The following PIGL variants were observed in gnomAD, a reference collection of about 807,000 sequenced individuals.
PIGL encodes the protein phosphatidylinositol glycan anchor biosynthesis class L, also known as N-acetylglucosaminyl-phosphatidylinositol de-N-acetylase.
A neutral mutation model predicts 31.1 loss-of-function variants in PIGL; 22 were observed. The ratio of observed to expected loss-of-function variants is 0.71; its 90% CI spans 0.51 to 1.01. The LOEUF (loss-of-function observed/expected upper bound fraction) is 1.01, where lower values mean the gene tolerates loss of function less well. PIGL is among the 50% of genes least tolerant of loss of function. PIGL has a pLI of 0.00. For synonymous variants in PIGL, 131 were observed against 117.4 expected (o/e 1.12, Z -0.75); for missense variants, 302 against 315.9 (o/e 0.96, Z 0.33).
intron 2 of PIGL, among the ~76,000 whole-genome samples, chr17:16,263,436 T>G (rs2092827456): frequency 6.6e-6 from 1 of 152,126 alleles, no homozygotes; most frequent in Non-Finnish European, 1.5e-5. Context: ...TGCCTTGGCC[T>G]CCCAAATTAC....
At chr17:16,286,973 G>C (rs1490256806) in intron 2 of PIGL, among the ~76,000 whole-genome samples, 1 of 152,232 alleles carries the variant, frequency 6.6e-6, no homozygotes, top group African/African-American at 2.4e-5. Context: ...AAGGGACCAT[G>C]ACTTGTATTC....
intron 3 of PIGL, among the ~76,000 whole-genome samples, chr17:16,307,230 G>A (rs996268602): frequency 1.3e-5 from 2 of 152,160 alleles, no homozygotes; most frequent in Non-Finnish European, 2.9e-5. Context: ...TCTCCTCATG[G>A]CCATGGCACT....
chr17:16,301,333 C>T (rs1417083648), intron 3 of PIGL, among the ~76,000 whole-genome samples: 1 of 151,678 alleles, frequency 6.6e-6, no homozygotes, highest in East Asian at 1.9e-4. Context: ...GGCGGGATCT[C>T]GGCTCACTGC....
intron 2 of PIGL, among the ~76,000 whole-genome samples, chr17:16,251,858 A>G (rs2092773265): frequency 6.6e-6 from 1 of 152,018 alleles, no homozygotes; most frequent in Non-Finnish European, 1.5e-5. Context: ...TTATGCATGT[A>G]TTGAAGGTCA....
At chr17:16,307,822 G>T (rs983799701) in intron 3 of PIGL, among the ~76,000 whole-genome samples, 1 of 151,820 alleles carries the variant, frequency 6.6e-6, no homozygotes, top group Non-Finnish European at 1.5e-5. Flanking sequence ...ATTTTTTTAA[G>T]TAGCTGGGCC....
chr17:16,288,209 C>CTCTT (rs143806650), intron 2 of PIGL, among the ~76,000 whole-genome samples: 2 of 151,896 alleles, frequency 1.3e-5, no homozygotes, highest in Admixed American at 6.6e-5. Flanking sequence ...TCCTTTCTTT[C>CTCTT]TCTTTCTTTC....
chr17:16,266,138 G>A (rs1167164984), intron 2 of PIGL, among the ~76,000 whole-genome samples: 2 of 151,994 alleles, frequency 1.3e-5, no homozygotes, highest in East Asian at 1.9e-4. Context: ...CTTCTGGCCT[G>A]GTGTGGTGGC....
chr17:16,318,694 AG>A (rs1050700353), intron 6 of PIGL, among the ~76,000 whole-genome samples: 37 of 151,676 alleles, frequency 2.4e-4, no homozygotes, highest in Middle Eastern at 3.4e-3. Context: ...GCACTTTGGG[AG>A]GCTGAGGCGG....
chr17:16,278,203 G>A (rs904702877), intron 2 of PIGL, among the ~76,000 whole-genome samples: 5 of 152,188 alleles, frequency 3.3e-5, no homozygotes, highest in African/African-American at 1.2e-4. Context: ...TTACAAGTGT[G>A]AGCCACCACG....
chr17:16,239,541 G>T (rs1381962032), intron 2 of PIGL, among the ~76,000 whole-genome samples: 1 of 152,050 alleles, frequency 6.6e-6, no homozygotes, highest in African/African-American at 2.4e-5. Context: ...TAGGTGAGCT[G>T]TGAACAAATT....
At chr17:16,256,110 G>A (rs1454375605) in intron 2 of PIGL, among the ~76,000 whole-genome samples, 1 of 152,130 alleles carries the variant, frequency 6.6e-6, no homozygotes, top group Non-Finnish European at 1.5e-5. Flanking sequence ...TTTGGAAAAG[G>A]TTTGCAAATA....
In PIGL at chr17:16,233,429, G is replaced by A. The variant is rs559675016; in HGVS notation, c.236-542G>A. 5.9e-5 allele frequency among the ~76,000 whole-genome samples: 9 copies of A among 152,190 alleles called. No homozygotes were observed. In the South Asian group the frequency reaches 1.9e-3, roughly 32 times the overall value. ...ATCAAGATCCCCTTGGGGTATGCTG[G>A]ATAGCTGGCTATGAAACTCTTCAAA... On this transcript the variant is annotated intron_variant, in intron 1 of 6. Transcript: ENST00000225609.
intron 2 of PIGL, among the ~76,000 whole-genome samples, chr17:16,237,485 G>A (rs1421329249): frequency 3.3e-5 from 5 of 151,162 alleles, no homozygotes; most frequent in Non-Finnish European, 7.4e-5. Context: ...CAGGGGTTTT[G>A]TTTAACGTCA....
At chr17:16,301,042 A>T in intron 3 of PIGL, among the ~76,000 whole-genome samples, 1 of 152,224 alleles carries the variant, frequency 6.6e-6, no homozygotes, top group Non-Finnish European at 1.5e-5. Flanking sequence ...GGTAATATCT[A>T]AAATTCCACA....
At chr17:16,325,597 C>T (rs2093124178) in intron 6 of PIGL, among the ~76,000 whole-genome samples, 1 of 152,086 alleles carries the variant, frequency 6.6e-6, no homozygotes. Context: ...GTTATAATCA[C>T]AGGTAGTAGG....
intron 2 of PIGL, among the ~76,000 whole-genome samples, chr17:16,295,295 T>C (rs956768086): frequency 6.6e-6 from 1 of 151,136 alleles, no homozygotes; most frequent in Non-Finnish European, 1.5e-5. Context: ...TCCCGATTAC[T>C]GACAGGCTGA....
chr17:16,230,148 A>G (rs1296572488), intron 1 of PIGL, among the ~76,000 whole-genome samples: 1 of 152,250 alleles, frequency 6.6e-6, no homozygotes, highest in South Asian at 2.1e-4. Flanking sequence ...GGCATGAGGC[A>G]CTGTGCCTGG....
intron 1 of PIGL, among the ~76,000 whole-genome samples, chr17:16,224,372 T>G (rs933802242): frequency 5.9e-5 from 9 of 151,914 alleles, no homozygotes; most frequent in Non-Finnish European, 1.2e-4. Context: ...TGTTGCACAA[T>G]CTTGGCTCAC....
chr17:16,255,647 C>T (rs2092790689), intron 2 of PIGL, among the ~76,000 whole-genome samples: 1 of 151,988 alleles, frequency 6.6e-6, no homozygotes, highest in Non-Finnish European at 1.5e-5. Context: ...GAGAGCCTTC[C>T]CCTTACAAAA....
Sources: allele counts gnomAD v4.1 joint callset (sites outside exome capture counted in the v4.1 genomes callset), GRCh38; gene constraint gnomAD v4.1.1; transcripts MANE v1.5; gene names NCBI Gene and HGNC (gene_info 2026-07-23, HGNC 2026-07-21).